Variants in ALPK1 observed in about 807,000 individuals in gnomAD.
ALPK1 encodes the protein alpha-protein kinase 1.
In ALPK1, 110 loss-of-function variants were observed where a neutral mutation model predicts 120.6. That is an observed-to-expected ratio of 0.91 (90% CI 0.78 to 1.07). The LOEUF (loss-of-function observed/expected upper bound fraction) is 1.07, where lower values mean the gene tolerates loss of function less well. Among genes scored for constraint, ALPK1 ranks in the 50% least tolerant of loss-of-function variants. The pLI is 0.00. For missense variants in ALPK1, 1,498 were observed against 1,483.9 expected (o/e 1.01, Z -0.16); for synonymous variants, 582 against 560.3 (o/e 1.04, Z -0.55).
intron 4 of ALPK1, chr4:112,411,181 GA>G (rs1388962323): frequency 6.5e-6 from 1 of 154,962 alleles, no homozygotes; most frequent in Non-Finnish European, 1.5e-5. Flanking sequence ...TAAGATAAGG[GA>G]TGGGGAAACT....
chr4:112,392,924 AAAAC>A (rs925035746), intron 4 of ALPK1, among the ~76,000 whole-genome samples: 7 of 152,226 alleles, frequency 4.6e-5, no homozygotes, highest in African/African-American at 1.7e-4. Context: ...GACAGATTTA[AAAAC>A]AAACAAACAA....
chr4:112,327,954 A>C (rs905167171), intron 2 of ALPK1, among the ~76,000 whole-genome samples: 5 of 152,192 alleles, frequency 3.3e-5, no homozygotes, highest in Non-Finnish European at 7.3e-5. Context: ...ATCAATCAAG[A>C]ATTAGTAGTA....
chr4:112,431,947 A>C lies in ALPK1; in HGVS notation c.2400A>C (p.Leu800Phe), dbSNP rs1228738860. The C allele has an allele frequency of 6.2e-7, 1 of 1,614,034 alleles. No individual in the cohort carries two copies. The highest frequency in any genetic ancestry group is 8.5e-7 in the Non-Finnish European group (1 of 1,180,062). ...ETAESTEDAP[L>F]DFHRVLHNSL... ...CAGAAAGCACTGAAGATGCACCCTT[A>C]GACTTTCACAGGGTCCTGCACAATT... is the stretch of plus-strand genomic sequence containing the variant. The change falls in exon 11 of 16, where the codon TTA becomes TTC. Residue 800 changes from leucine (L) to phenylalanine (F), a missense_variant. By Grantham distance (22) the Leu-to-Phe change is conservative (BLOSUM62 0). Coordinates refer to ENST00000650871, the MANE Select transcript of ALPK1 (RefSeq NM_025144.4).
At chr4:112,414,745 C>T (rs149862506) in intron 5 of ALPK1, 15 of 158,254 alleles carry the variant, frequency 9.5e-5, no homozygotes, top group Admixed American at 3.0e-4. Flanking sequence ...GGACTGAGCA[C>T]GTGCAGAATC....
At chr4:112,339,799 G>A (rs181356479) in intron 2 of ALPK1, among the ~76,000 whole-genome samples, 5 of 152,300 alleles carry the variant, frequency 3.3e-5, no homozygotes, top group African/African-American at 1.2e-4. Context: ...GCAAAACTGT[G>A]ACATCACTGA....
At chr4:112,433,626 G>A (rs1438991467) in intron 11 of ALPK1, among the ~76,000 whole-genome samples, 1 of 152,144 alleles carries the variant, frequency 6.6e-6, no homozygotes. Flanking sequence ...GCTTAAAAGT[G>A]GTAGAGAAGC....
chr4:112,409,986 T>C (rs1020419203), intron 4 of ALPK1, among the ~76,000 whole-genome samples: 17 of 152,178 alleles, frequency 1.1e-4, no homozygotes, highest in African/African-American at 3.9e-4. Flanking sequence ...TAAGCATCAG[T>C]TTTAAAAAAG....
At chr4:112,345,194 T>C (rs555619571) in intron 2 of ALPK1, among the ~76,000 whole-genome samples, 67 of 152,354 alleles carry the variant, frequency 4.4e-4, no homozygotes, top group African/African-American at 1.6e-3. Context: ...TAGACAGTGC[T>C]CATTTACCCA....
At chr4:112,347,775 A>G (rs1456197821) in intron 2 of ALPK1, among the ~76,000 whole-genome samples, 1 of 152,250 alleles carries the variant, frequency 6.6e-6, no homozygotes, top group African/African-American at 2.4e-5. Context: ...CTTCTAAGTT[A>G]GCTATGAAAG....
At chr4:112,437,495 A>T (rs996957380) in intron 12 of ALPK1, among the ~76,000 whole-genome samples, 2 of 152,076 alleles carry the variant, frequency 1.3e-5, no homozygotes, top group African/African-American at 4.8e-5. Context: ...TCACAGGTTC[A>T]CTCTCTTGTG....
At chr4:112,346,372 C>T (rs1028514054) in intron 2 of ALPK1, among the ~76,000 whole-genome samples, 10 of 152,144 alleles carry the variant, frequency 6.6e-5, no homozygotes, top group Admixed American at 6.5e-5. Context: ...GGACTCTTAA[C>T]GACATTCATT....
chr4:112,318,994 A>C (rs1458069946), intron 2 of ALPK1, among the ~76,000 whole-genome samples: 1 of 152,224 alleles, frequency 6.6e-6, no homozygotes, highest in Non-Finnish European at 1.5e-5. Context: ...TTCATCCTAT[A>C]GGCAACAATG....
intron 2 of ALPK1, chr4:112,356,598 C>T (rs1372013937): frequency 7.7e-6 from 6 of 780,018 alleles, no homozygotes; most frequent in Admixed American, 1.8e-5. Context: ...GGAGAGTAAC[C>T]ACATGAAGAT....
At chr4:112,413,134 G>C (rs1305413948) in intron 5 of ALPK1, among the ~76,000 whole-genome samples, 1 of 152,194 alleles carries the variant, frequency 6.6e-6, no homozygotes. Flanking sequence ...TAATGTGTGG[G>C]ATATGAAAGA....
Position 112,431,363 on chromosome 4 carries a change from T to C in ALPK1, c.1816T>C (p.Ser606Pro). Residue 606 changes from serine (S) to proline (P), a missense_variant, in exon 11 of 16, where the codon TCA becomes CCA. Ser to Pro is a moderately conservative substitution (Grantham distance 74). Transcript: ENST00000650871. ...EEVNYHVDDR[S>P]ARKEPGKEHL... ...AGTGAATTATCACGTTGACGACAGG[T>C]CAGCCAGAAAAGAGCCTGGCAAAGA... 2 of 1,614,198 alleles carry C rather than the reference T, an allele frequency of 1.2e-6. No homozygotes were observed. The highest frequency in any genetic ancestry group is 1.7e-6 in the Non-Finnish European group (2 of 1,180,040).
chr4:112,367,752 A>C (rs1731220990), intron 2 of ALPK1, among the ~76,000 whole-genome samples: 1 of 152,230 alleles, frequency 6.6e-6, no homozygotes. Flanking sequence ...GACTCTGATT[A>C]GACATATGTT....
At position 112,432,535 on chromosome 4, in the gene ALPK1, A is replaced by G. The variant is rs146471884; in HGVS notation, c.2988A>G (p.Leu996=). The change falls in exon 11 of 16, where the codon CTA becomes CTG. Residue 996 remains leucine, a synonymous_variant. Coordinates refer to ENST00000650871, the MANE Select transcript of ALPK1 (RefSeq NM_025144.4). ...GVRHDWLFQR[L]ENTGVFKPSQ... ...GGCATGATTGGCTGTTTCAGAGACT[A>G]GAGAATACGGGGGTTTTTAAGCCCA... 4 of 1,614,040 alleles carry G rather than the reference A, an allele frequency of 2.5e-6. No homozygotes were observed. The African/African-American group carries it at 5.3e-5, about 22-fold the overall frequency.
intron 2 of ALPK1, among the ~76,000 whole-genome samples, chr4:112,355,801 A>G (rs1730577670): frequency 6.6e-6 from 1 of 152,186 alleles, no homozygotes. Flanking sequence ...AGCAGACTGG[A>G]AGTGGGGGCG....
intron 2 of ALPK1, chr4:112,359,897 C>T (rs1730839207): frequency 8.6e-6 from 2 of 232,374 alleles, no homozygotes; most frequent in Admixed American, 1.1e-4. Flanking sequence ...AAGAACTCAC[C>T]CAACAGAATA....
Sources: allele counts gnomAD v4.1 joint callset (sites outside exome capture counted in the v4.1 genomes callset), GRCh38; gene constraint gnomAD v4.1.1; transcripts MANE v1.5; gene names NCBI Gene and HGNC (gene_info 2026-07-23, HGNC 2026-07-21).